ARHGAP28: variants seen among roughly 807,000 people sequenced by gnomAD.
The protein encoded by ARHGAP28 is Rho GTPase activating protein 28.
Under a neutral mutation model 90.7 loss-of-function variants are expected in ARHGAP28, and 56 were observed. The ratio of observed to expected loss-of-function variants is 0.62; its 90% confidence interval spans 0.50 to 0.77. The LOEUF is 0.77. Among genes scored for constraint, ARHGAP28 ranks in the 30% least tolerant of loss-of-function variants. ARHGAP28 has a pLI of 0.00. For synonymous variants in ARHGAP28, 308 were observed against 323.3 expected (o/e 0.95, Z 0.51); for missense variants, 869 against 900.9 (o/e 0.96, Z 0.45).
intron 1 of ARHGAP28, chr18:6,778,906 G>A (rs1473566293): frequency 6.6e-6 from 1 of 152,208 alleles, no homozygotes; most frequent in Admixed American, 6.5e-5. Flanking sequence ...GGATTTGGAA[G>A]ACTATACTTT....
At chr18:6,756,403 CT>C (rs2056110231) in intron 1 of ARHGAP28, among the ~76,000 whole-genome samples, 1 of 152,116 alleles carries the variant, frequency 6.6e-6, no homozygotes, top group African/African-American at 2.4e-5. Flanking sequence ...ATCCTTTCTA[CT>C]TCAGCTTATG....
chr18:6,861,778 T>C (rs4798504), intron 5 of ARHGAP28, among the ~76,000 whole-genome samples: 44,976 of 152,070 alleles, frequency 0.3, 6,804 homozygotes, highest in East Asian at 0.44. Flanking sequence ...TAGCTGCGAA[T>C]TTCTTCGCAT....
chr18:6,738,912 C>T (rs922721310), intron 1 of ARHGAP28, among the ~76,000 whole-genome samples: 1 of 152,220 alleles, frequency 6.6e-6, no homozygotes, highest in African/African-American at 2.4e-5. Context: ...ATTTGGTAAT[C>T]AGTCATGCCC....
intron 2 of ARHGAP28, among the ~76,000 whole-genome samples, chr18:6,832,220 G>GT (rs887380615): frequency 2.6e-5 from 4 of 151,266 alleles, no homozygotes; most frequent in Non-Finnish European, 4.4e-5. Context: ...AAATTTTTGG[G>GT]TTTTTTTCTA....
chr18:6,883,270 G>A (rs867213041), intron 11 of ARHGAP28, among the ~76,000 whole-genome samples: 4 of 148,702 alleles, frequency 2.7e-5, no homozygotes, highest in Non-Finnish European at 5.9e-5. Flanking sequence ...ACAGAGTGTC[G>A]CACTGTTGCC....
chr18:6,783,865 T>C (rs562372691), intron 1 of ARHGAP28, among the ~76,000 whole-genome samples: 1 of 152,294 alleles, frequency 6.6e-6, no homozygotes, highest in East Asian at 1.9e-4. Context: ...ACAGCTCTTT[T>C]CATGACCCTG....
rs944227949 is a variant in ARHGAP28 at position 6,915,255 on chromosome 18, C to A, written c.*3101C>A. On this transcript the variant is annotated 3_prime_UTR_variant, in exon 18 of 18. Transcript: ENST00000383472. Reference sequence around the variant, plus strand: ...ATTAATGTCCATCTTTTCTTTCAGGCATTTTCATCTGCTGTCCACGTATTT... The same window carrying A: ...ATTAATGTCCATCTTTTCTTTCAGGAATTTTCATCTGCTGTCCACGTATTT... 1.3e-5 allele frequency: 2 copies of A among 152,186 alleles called. No individual in the cohort carries two copies. The highest frequency in any genetic ancestry group is 3.8e-4 in the East Asian group (2 of 5,198). 9.4% of individuals were successfully genotyped at this position (152,186 alleles called of 1,614,324 possible).
Position 6,764,574 on chromosome 18 carries a change from C to G in ARHGAP28, c.122+34631C>G, listed in dbSNP as rs117232963. Among the ~76,000 whole-genome samples, 657 of 152,294 alleles carry G rather than the reference C, an allele frequency of 4.3e-3. 1 individual carries two copies. Among genetic ancestry groups the G allele is most frequent in the Admixed American group, 0.01 (160 of 15,288 alleles). ...TGACATTGTTGTAATAACCCCTCTT[C>G]AGGAGCTGAAAGCCTGCCAGCCTCC... On this transcript the variant is annotated intron_variant, in intron 1 of 17. Transcript: ENST00000383472.
At chr18:6,757,884 A>G (rs1237657014) in intron 1 of ARHGAP28, among the ~76,000 whole-genome samples, 1 of 152,144 alleles carries the variant, frequency 6.6e-6, no homozygotes, top group Non-Finnish European at 1.5e-5. Context: ...TCAAGCTCAC[A>G]CAGCACTGCC....
chr18:6,876,185 T>G lies in ARHGAP28; in HGVS notation c.1267T>G (p.Ser423Ala). The change falls in exon 10 of 18, where the codon TCA becomes GCA. Residue 423 changes from serine (S) to alanine (A), a missense_variant. Coordinates refer to ENST00000383472, the MANE Select transcript of ARHGAP28 (RefSeq NM_001366230.1). Reference sequence around the variant, plus strand: ...GGAATCTGAAGGAATTTTTCGACTTTCAGGATGTACTGCTAAAGTCAAGGT... The same window carrying G: ...GGAATCTGAAGGAATTTTTCGACTTGCAGGATGTACTGCTAAAGTCAAGGT... ...GLESEGIFRL[S>A]GCTAKVKQYR... The G allele has an allele frequency of 6.2e-7, 1 of 1,614,070 alleles. No homozygotes were observed. The highest frequency in any genetic ancestry group is 8.5e-7 in the Non-Finnish European group (1 of 1,179,956).
At chr18:6,843,168 A>G (rs2056840542) in intron 3 of ARHGAP28, among the ~76,000 whole-genome samples, 1 of 151,906 alleles carries the variant, frequency 6.6e-6, no homozygotes, top group Non-Finnish European at 1.5e-5. Flanking sequence ...TGGGTTGATA[A>G]ATTGCTATAT....
In ARHGAP28 at chr18:6,910,867, C is replaced by T. The variant is rs907469091; in HGVS notation, c.2096-1193C>T. ...TGTTTGCTTTGTTTTTTTTTTGAGA[C>T]GGAGTCTCGCTCTGTCGCCCAGGCT... On this transcript the variant is annotated intron_variant, in intron 17 of 17. Coordinates refer to ENST00000383472, the MANE Select transcript of ARHGAP28 (RefSeq NM_001366230.1). Among the ~76,000 whole-genome samples, 3 of 145,614 alleles carry T rather than the reference C, an allele frequency of 2.1e-5. No individual in the cohort carries two copies. In the Admixed American group the frequency reaches 2.1e-4, roughly 10 times the overall value.
Position 6,729,789 on chromosome 18 carries a change from C to G in ARHGAP28, c.-33C>G. The G allele has an allele frequency of 7.3e-7, 1 of 1,373,240 alleles. No homozygotes were observed. The highest frequency in any genetic ancestry group is 1.7e-5 in the South Asian group (1 of 58,640). The allele number at this position is 1,373,240 out of a possible 1,614,324, so 85.1% of individuals were successfully genotyped here. ...GTCCATGCTGGTCCCGGTCTTTGTTCTGGGGCCGGCGCCGAGACATGCGCG... is the reference window on the plus strand; with the variant it reads ...GTCCATGCTGGTCCCGGTCTTTGTTGTGGGGCCGGCGCCGAGACATGCGCG... On this transcript the variant is annotated 5_prime_UTR_variant, in exon 1 of 18. Coordinates refer to ENST00000383472, the MANE Select transcript of ARHGAP28 (RefSeq NM_001366230.1).
chr18:6,877,358 CA>C (rs929871195), intron 10 of ARHGAP28, among the ~76,000 whole-genome samples: 24 of 152,194 alleles, frequency 1.6e-4, no homozygotes, highest in African/African-American at 5.5e-4. Context: ...AGGCTCTAAC[CA>C]CGGTGCAGGT....
At chr18:6,856,844 A>C (rs1252535480) in intron 4 of ARHGAP28, among the ~76,000 whole-genome samples, 2 of 152,204 alleles carry the variant, frequency 1.3e-5, no homozygotes, top group Non-Finnish European at 2.9e-5. Flanking sequence ...TTCCCATTTC[A>C]TATAAGTCTA....
chr18:6,739,530 T>C (rs2055956780), intron 1 of ARHGAP28, among the ~76,000 whole-genome samples: 1 of 150,882 alleles, frequency 6.6e-6, no homozygotes, highest in African/African-American at 2.4e-5. Flanking sequence ...AGAATATATA[T>C]ATAAACATAT....
At chr18:6,803,147 ATCATCCAGGTC>A (rs1303992955) in intron 1 of ARHGAP28, among the ~76,000 whole-genome samples, 8 of 152,160 alleles carry the variant, frequency 5.3e-5, no homozygotes, top group Admixed American at 1.3e-4. Context: ...GGTGAGAGCA[ATCATCCAGGTC>A]TTATCTGTGA....
intron 1 of ARHGAP28, among the ~76,000 whole-genome samples, chr18:6,758,942 A>G (rs2056135745): frequency 6.6e-6 from 1 of 152,228 alleles, no homozygotes; most frequent in Non-Finnish European, 1.5e-5. Context: ...TTGCTCTATT[A>G]AACAGATTTT....
chr18:6,860,021 A>G (rs1372615544), intron 5 of ARHGAP28, 124 bp downstream of exon 5: 18 of 796,294 alleles, frequency 2.3e-5, no homozygotes, highest in Non-Finnish European at 3.6e-5. Flanking sequence ...TAAGATTGCA[A>G]GGAAACCACA....
Sources: gnomAD v4.1 joint callset for allele counts (sites outside exome capture counted in the v4.1 genomes callset) on GRCh38, gnomAD v4.1.1 for gene constraint, MANE v1.5 for transcripts, NCBI Gene and HGNC (gene_info 2026-07-23, HGNC 2026-07-21) for gene names.